Variants in NUP214 observed in about 807,000 individuals in gnomAD.
NUP214 encodes the protein nucleoporin 214, also known as nuclear pore complex protein Nup214.
NUP214 carries 79 observed loss-of-function variants against 196.2 expected under a neutral mutation model. The observed-to-expected ratio is 0.40, with a 90% CI of 0.34 to 0.49. NUP214 has a LOEUF of 0.49. Among genes scored for constraint, NUP214 ranks in the 20% least tolerant of loss-of-function variants. NUP214 has a pLI of 0.58. For synonymous variants in NUP214, 1,020 were observed against 990.5 expected, an observed-to-expected ratio of 1.03 and a Z score of -0.56; for missense variants, 2,468 against 2,539.0, an observed-to-expected ratio of 0.97 and a Z score of 0.60.
In NUP214 at chr9:131,144,520, C is replaced by G. The variant is rs1411254696; in HGVS notation, c.1535C>G (p.Ala512Gly). 6.2e-7 allele frequency: 1 copy of G among 1,614,010 alleles called. No homozygotes were observed. Among genetic ancestry groups the G allele is most frequent in the Non-Finnish European group, 8.5e-7 (1 of 1,180,000 alleles). The change falls in exon 12 of 36, where the codon GCC becomes GGC. Residue 512 changes from alanine (A) to glycine (G), a missense_variant. Around this residue, in one of 5 missense-constraint regions of NUP214, gnomAD observed 1,801 missense variants for 1,779.4 expected, o/e 1.01. Coordinates refer to ENST00000359428, the MANE Select transcript of NUP214 (RefSeq NM_005085.4). ...AGTGGCTCCGACAGCTCCAAAGCAG[C>G]CCCAGGCCCTGGCCCATCAACCTTC... Reference protein sequence around the residue: ...YSSGSDSSKAAPGPGPSTFSF... With the variant: ...YSSGSDSSKAGPGPGPSTFSF...
intron 29 of NUP214, among the ~76,000 whole-genome samples, chr9:131,201,203 C>T (rs1388000544): frequency 2.0e-5 from 3 of 150,702 alleles, no homozygotes; most frequent in African/African-American, 7.3e-5. Context: ...GTGCGGTGGC[C>T]CACACCTGTA....
chr9:131,141,612 G>C (rs538195971), intron 11 of NUP214: 1 of 151,330 alleles, frequency 6.6e-6, no homozygotes, highest in Non-Finnish European at 1.5e-5. Flanking sequence ...CCAAGTAGCT[G>C]GAACTACAAG....
chr9:131,217,763 A>C (rs1472613472), intron 31 of NUP214, among the ~76,000 whole-genome samples: 5 of 152,212 alleles, frequency 3.3e-5, no homozygotes. Flanking sequence ...ATTTTGTTAA[A>C]AGTTAAATGT....
intron 27 of NUP214, chr9:131,192,539 T>C: frequency 3.3e-6 from 1 of 305,702 alleles, no homozygotes; most frequent in Non-Finnish European, 5.9e-6. Flanking sequence ...AGCCTAAGCC[T>C]CATTTTCTTT....
Position 131,198,249 on chromosome 9 carries a change from T to C in NUP214, c.4755T>C (p.Ala1585=). 6.2e-7 allele frequency: 1 copy of C among 1,614,114 alleles called. No homozygotes were observed. Among genetic ancestry groups the C allele is most frequent in the East Asian group, 2.2e-5 (1 of 44,900 alleles). Residue 1585 remains alanine, a synonymous_variant, in exon 29 of 36, where the codon GCT becomes GCC. Transcript: ENST00000359428. ...PDARTEAVPP[A]SSFSVPGQTA... ...CCAGGACGGAGGCAGTACCACCTGC[T>C]TCCTCCTTTTCTGTGCCTGGGCAGA...
At chr9:131,152,890 C>G (rs143398191) in intron 17 of NUP214, among the ~76,000 whole-genome samples, 2 of 152,066 alleles carry the variant, frequency 1.3e-5, no homozygotes, top group Non-Finnish European at 2.9e-5. Context: ...ATCCTCCCAC[C>G]TCAGCCTCCC....
At chr9:131,163,653 T>G (rs772128580) in intron 19 of NUP214, among the ~76,000 whole-genome samples, 7 of 152,306 alleles carry the variant, frequency 4.6e-5, no homozygotes, top group South Asian at 2.1e-4. Flanking sequence ...CTTTTTCTAC[T>G]GAGGCACCAT....
chr9:131,190,646 T>C (rs954223384), intron 26 of NUP214: 1 of 514,862 alleles, frequency 1.9e-6, no homozygotes, highest in African/African-American at 2.0e-5. Flanking sequence ...GTTTTTCTGA[T>C]TGTAAAACTA....
intron 21 of NUP214, among the ~76,000 whole-genome samples, chr9:131,165,632 C>T (rs1001521935): frequency 6.6e-6 from 1 of 152,082 alleles, no homozygotes; most frequent in Admixed American, 6.6e-5. Flanking sequence ...GTATATACCC[C>T]AAATAATTGA....
rs1346665049 is a variant in NUP214 at position 131,129,591 on chromosome 9, CGAG to C, written c.592+116_592+118del. On this transcript the variant is annotated intron_variant, in intron 4 of 35. Coordinates refer to ENST00000359428, the MANE Select transcript of NUP214 (RefSeq NM_005085.4). ...TGTGTTTTGGTTTTTTTTTTCATGACGAGGGAGGTTAAGGATGGAAGGTATTCT... is the reference window on the plus strand; with the variant it reads ...TGTGTTTTGGTTTTTTTTTTCATGACGGAGGTTAAGGATGGAAGGTATTCT... 6.9e-6 allele frequency: 7 copies of C among 1,011,028 alleles called. No individual in the cohort carries two copies. In the African/African-American group the frequency reaches 1.1e-4, roughly 16 times the overall value. The allele number at this position is 1,011,028 out of a possible 1,614,324, so 62.6% of individuals were successfully genotyped here.
In NUP214 at chr9:131,201,685, G is replaced by A; in HGVS notation, c.5560G>A (p.Ala1854Thr). ...SSNTGSVFGQ[A>T]ASTGGIVFGQ... The stretch of plus-strand genomic sequence containing the variant: ...TAATACTGGTTCTGTGTTTGGTCAA[G>A]CAGCCAGTACTGGTGGAATAGTCTT... The change falls in exon 30 of 36, where the codon GCA (alanine) becomes ACA (threonine). Residue 1854 changes from alanine to threonine, a missense_variant. By Grantham distance (58) the Ala-to-Thr change is moderately conservative (BLOSUM62 0). Around this residue, in one of 5 missense-constraint regions of NUP214, gnomAD observed 262 missense variants for 296.5 expected, o/e 0.88. Transcript: ENST00000359428. The A allele has an allele frequency of 1.2e-6, 2 of 1,614,102 alleles. No homozygotes were observed. Among genetic ancestry groups the A allele is most frequent in the Non-Finnish European group, 8.5e-7 (1 of 1,179,960 alleles).
chr9:131,150,538 G>A, intron 15 of NUP214, 78 bp from the exon 16 acceptor site: 1 of 1,586,282 alleles, frequency 6.3e-7, no homozygotes. Flanking sequence ...AGCAGTCTGA[G>A]CAGTTAGTAA....
intron 27 of NUP214, among the ~76,000 whole-genome samples, chr9:131,192,946 A>G (rs1217170551): frequency 6.7e-6 from 1 of 148,742 alleles, no homozygotes; most frequent in Non-Finnish European, 1.5e-5. Context: ...GTCTCCAAAA[A>G]AAAAAAAAAA....
intron 1 of NUP214, among the ~76,000 whole-genome samples, chr9:131,126,704 C>T (rs1195823748): frequency 1.3e-5 from 2 of 151,966 alleles, no homozygotes; most frequent in Non-Finnish European, 2.9e-5. Flanking sequence ...CCTGCCACCA[C>T]GCCCCACTAA....
In NUP214 at chr9:131,144,508, G is replaced by A. The variant is rs778994384; in HGVS notation, c.1523G>A (p.Ser508Asn). 4 of 1,614,122 alleles carry A rather than the reference G, an allele frequency of 2.5e-6. No individual in the cohort carries two copies. The highest frequency in any genetic ancestry group is 3.4e-6 in the Non-Finnish European group (4 of 1,180,012). ...EPPSYSSGSD[S>N]SKAAPGPGPS... ...CCTTCATATTCCAGTGGCTCCGACA[G>A]CTCCAAAGCAGCCCCAGGCCCTGGC... The change falls in exon 12 of 36, where the codon AGC becomes AAC. Residue 508 changes from serine (S) to asparagine (N), a missense_variant. By Grantham distance (46) the Ser-to-Asn change is conservative. Around this residue, in one of 5 missense-constraint regions of NUP214, gnomAD observed 1,801 missense variants for 1,779.4 expected, o/e 1.01. Coordinates refer to ENST00000359428, the MANE Select transcript of NUP214 (RefSeq NM_005085.4).
chr9:131,222,612 T>C (rs1177938808), intron 31 of NUP214, 166 bp from the exon 32 acceptor site: 2 of 644,522 alleles, frequency 3.1e-6, no homozygotes, highest in Non-Finnish European at 5.0e-6. Flanking sequence ...TGCGTGAAAA[T>C]CAGAGAAAGT....
Position 131,129,459 on chromosome 9 carries a change from A to G in NUP214, c.574A>G (p.Thr192Ala), listed in dbSNP as rs778632429. The G allele has an allele frequency of 6.2e-7, 1 of 1,614,156 alleles. No homozygotes were observed. The highest frequency in any genetic ancestry group is 1.1e-5 in the South Asian group (1 of 91,084). Residue 192 changes from threonine (T) to alanine (A), a missense_variant, in exon 4 of 36, where the codon ACG becomes GCG. By Grantham distance (58) the Thr-to-Ala change is moderately conservative. Transcript: ENST00000359428. The part of the protein sequence containing the change: ...TVKVCATLPS[T>A]VAVTSVCWSP... Reference sequence around the variant, plus strand: ...GAAAGTATGTGCAACTCTTCCTTCCACGGTAGCAGTAACCTCTGGTGAGTA... The same window carrying G: ...GAAAGTATGTGCAACTCTTCCTTCCGCGGTAGCAGTAACCTCTGGTGAGTA...
Position 131,197,419 on chromosome 9 carries a change from A to G in NUP214, c.3925A>G (p.Lys1309Glu). ...AACTGCTCTTTCCACCACCTCTAGT[A>G]AGCTGGAAACCCCACCGTCCAAGCT... Reference protein sequence around the residue: ...SGTALSTTSSKLETPPSKLGE... With the variant: ...SGTALSTTSSELETPPSKLGE... Residue 1309 changes from lysine (K) to glutamate (E), a missense_variant, in exon 29 of 36, where the codon AAG becomes GAG. This residue lies in a region of NUP214 where 1,801 missense variants were observed against 1,779.4 expected (regional missense o/e 1.01). Coordinates refer to ENST00000359428, the MANE Select transcript of NUP214 (RefSeq NM_005085.4). 1.9e-6 allele frequency: 3 copies of G among 1,614,140 alleles called. No individual in the cohort carries two copies. Among genetic ancestry groups the G allele is most frequent in the Middle Eastern group, 1.6e-4 (1 of 6,062 alleles).
At chr9:131,140,437 G>A in intron 10 of NUP214, 112 bp from the exon 11 acceptor site, 1 of 811,318 alleles carries the variant, frequency 1.2e-6, no homozygotes, top group Non-Finnish European at 2.0e-6. Context: ...AACTTGAGCT[G>A]CTATTCAGAT....
Sources: allele counts gnomAD v4.1 joint callset (sites outside exome capture counted in the v4.1 genomes callset), GRCh38; gene constraint gnomAD v4.1.1; regional missense constraint gnomAD v4.1.1; transcripts MANE v1.5; gene names NCBI Gene and HGNC (gene_info 2026-07-23, HGNC 2026-07-21).